MCC: variants seen among roughly 807,000 people sequenced by gnomAD.
The protein encoded by MCC is colorectal mutant cancer protein.
In MCC, 90 loss-of-function variants were observed where a neutral mutation model predicts 116.2. The ratio of observed to expected loss-of-function variants is 0.77; its 90% CI spans 0.65 to 0.92. MCC has a LOEUF of 0.92. MCC is among the 40% of genes least tolerant of loss of function. The pLI is 0.00. For synonymous variants in MCC, 578 were observed against 510.5 expected (o/e 1.13, Z -1.78); for missense variants, 1,516 against 1,312.2 (o/e 1.16, Z -2.40).
chr5:113,422,176 C>T (rs891271113), intron 1 of MCC, among the ~76,000 whole-genome samples: 3 of 152,080 alleles, frequency 2.0e-5, no homozygotes, highest in Non-Finnish European at 2.9e-5. Flanking sequence ...AAATACACTC[C>T]GGCCATGGTT....
At chr5:113,057,714 G>GTT in intron 14 of MCC, among the ~76,000 whole-genome samples, 1 of 152,248 alleles carries the variant, frequency 6.6e-6, no homozygotes, top group South Asian at 2.1e-4. Flanking sequence ...CTCAGCGGCA[G>GTT]GCATGCCTCG....
At chr5:113,365,705 G>A (rs1768670395) in intron 2 of MCC, among the ~76,000 whole-genome samples, 1 of 152,182 alleles carries the variant, frequency 6.6e-6, no homozygotes, top group Non-Finnish European at 1.5e-5. Context: ...CTGGCTCATG[G>A]TTCCACAAGC....
intron 16 of MCC, among the ~76,000 whole-genome samples, chr5:113,047,191 G>A (rs1012652895): frequency 3.9e-5 from 6 of 152,108 alleles, no homozygotes; most frequent in African/African-American, 1.4e-4. Context: ...ATTCAGCCTC[G>A]CACTGGGGAC....
chr5:113,418,082 A>T (rs1770208142), intron 1 of MCC, among the ~76,000 whole-genome samples: 1 of 114,644 alleles, frequency 8.7e-6, no homozygotes, highest in Non-Finnish European at 1.8e-5. Flanking sequence ...TTTTTTGGAG[A>T]TACAGCATCT....
Position 113,312,458 on chromosome 5 carries a change from G to A in MCC, c.627+28061C>T, listed in dbSNP as rs562035334. On this transcript the variant is annotated intron_variant, in intron 3 of 18. Transcript: ENST00000408903. ...GCAGAAGTTAACCAGGTGAAGGGTA[G>A]GGGAAAGAGGTGTTCAAGTCACAGA... is the stretch of plus-strand genomic sequence containing the variant. Among the ~76,000 whole-genome samples, 3 of 152,324 alleles carry A rather than the reference G, an allele frequency of 2.0e-5. No individual in the cohort carries two copies. In the East Asian group the frequency reaches 5.8e-4, roughly 29 times the overall value.
intron 3 of MCC, among the ~76,000 whole-genome samples, chr5:113,262,613 G>T (rs935101619): frequency 1.4e-4 from 22 of 152,222 alleles, no homozygotes; most frequent in African/African-American, 5.3e-4. Context: ...TCTTTCTATA[G>T]AAATAAAGAG....
In MCC at chr5:113,104,197, T is replaced by C; in HGVS notation, c.1186A>G (p.Ile396Val). 2 of 1,610,398 alleles carry C rather than the reference T, an allele frequency of 1.2e-6. No homozygotes were observed. The highest frequency in any genetic ancestry group is 1.7e-6 in the Non-Finnish European group (2 of 1,177,680). The change falls in exon 7 of 19, where the codon ATT becomes GTT. Residue 396 changes from isoleucine to valine, a missense_variant. Coordinates refer to ENST00000408903, the MANE Select transcript of MCC (RefSeq NM_001085377.2). ...AGAGGGTGAGGAAGGTCTACCTTAATAGCCAGGTCACAGTGCTCGCTGGCT... is the reference window on the plus strand; with the variant it reads ...AGAGGGTGAGGAAGGTCTACCTTAACAGCCAGGTCACAGTGCTCGCTGGCT... ...TTASEHCDLA[I>V]KTVEEIEGVL...
chr5:113,216,094 A>C (rs1763304342), intron 3 of MCC, among the ~76,000 whole-genome samples: 1 of 152,236 alleles, frequency 6.6e-6, no homozygotes, highest in Admixed American at 6.5e-5. Context: ...TTTTATTGGA[A>C]CATAGGTATG....
At chr5:113,132,280 T>C (rs1273840330) in intron 5 of MCC, among the ~76,000 whole-genome samples, 1 of 151,276 alleles carries the variant, frequency 6.6e-6, no homozygotes, top group East Asian at 1.9e-4. Flanking sequence ...ACCTACCTAT[T>C]AAATTATGAG....
intron 15 of MCC, among the ~76,000 whole-genome samples, chr5:113,051,277 G>C (rs1179313401): frequency 1.3e-5 from 2 of 152,176 alleles, no homozygotes; most frequent in Non-Finnish European, 2.9e-5. Flanking sequence ...GAGGAAATGA[G>C]AATGAATCAG....
intron 5 of MCC, 96 bp from the exon 6 acceptor site, chr5:113,122,922 A>G: frequency 7.6e-7 from 1 of 1,322,416 alleles, no homozygotes; most frequent in Admixed American, 1.9e-5. Flanking sequence ...ACATTGAGAG[A>G]GAAAACAGAT....
At chr5:113,471,464 C>T (rs1248117875) in intron 1 of MCC, among the ~76,000 whole-genome samples, 1 of 152,128 alleles carries the variant, frequency 6.6e-6, no homozygotes, top group African/African-American at 2.4e-5. Flanking sequence ...TGGGTATCGG[C>T]AGCGGTGGCT....
At chr5:113,087,375 A>G (rs1755271259) in intron 8 of MCC, among the ~76,000 whole-genome samples, 1 of 152,234 alleles carries the variant, frequency 6.6e-6, no homozygotes, top group Non-Finnish European at 1.5e-5. Context: ...GACCAGACAC[A>G]GGGCTAAACT....
At chr5:113,440,464 C>T (rs924755981) in intron 1 of MCC, among the ~76,000 whole-genome samples, 1 of 152,102 alleles carries the variant, frequency 6.6e-6, no homozygotes, top group Admixed American at 6.5e-5. Flanking sequence ...TAATTCCAAC[C>T]AAGTGTTTCC....
chr5:113,379,913 C>T (rs180709042), intron 2 of MCC, among the ~76,000 whole-genome samples: 66 of 152,188 alleles, frequency 4.3e-4, no homozygotes, highest in Admixed American at 3.3e-3. Flanking sequence ...TTAAAGGCTC[C>T]GAGATGTCTT....
chr5:113,111,752 C>A (rs570757517), intron 6 of MCC, among the ~76,000 whole-genome samples: 1 of 152,108 alleles, frequency 6.6e-6, no homozygotes, highest in Admixed American at 6.5e-5. Context: ...AACCTATCAA[C>A]GACGTTGAGG....
At chr5:113,413,493 G>C (rs1770050597) in intron 1 of MCC, among the ~76,000 whole-genome samples, 2 of 152,152 alleles carry the variant, frequency 1.3e-5, no homozygotes, top group South Asian at 4.1e-4. Context: ...TCCTGGTTTA[G>C]TCTTGGGAAG....
intron 3 of MCC, among the ~76,000 whole-genome samples, chr5:113,204,084 G>C (rs929422149): frequency 5.9e-5 from 9 of 152,274 alleles, no homozygotes; most frequent in African/African-American, 1.7e-4. Context: ...AGATGAATAA[G>C]AGGAATGAGT....
chr5:113,164,790 C>G (rs1581185691), intron 3 of MCC, among the ~76,000 whole-genome samples: 1 of 152,174 alleles, frequency 6.6e-6, no homozygotes, highest in Non-Finnish European at 1.5e-5. Context: ...CCTGAGGACT[C>G]AAGACTGCAG....
Sources: gnomAD v4.1 joint callset for allele counts (sites outside exome capture counted in the v4.1 genomes callset) on GRCh38, gnomAD v4.1.1 for gene constraint, MANE v1.5 for transcripts, NCBI Gene and HGNC (gene_info 2026-07-23, HGNC 2026-07-21) for gene names.